The following KALRN variants were observed in gnomAD, a reference collection of about 807,000 sequenced individuals.
KALRN encodes kalirin RhoGEF kinase.
KALRN carries 70 observed loss-of-function variants against 353.7 expected under a neutral mutation model. The observed-to-expected ratio is 0.20, with a 90% confidence interval of 0.16 to 0.24. The LOEUF is 0.24. Among genes scored for constraint, KALRN ranks in the 10% least tolerant of loss-of-function variants. KALRN has a pLI of 1.00. For missense variants in KALRN, 2,791 were observed against 3,756.7 expected (o/e 0.74, Z 6.72); for synonymous variants, 1,391 against 1,434.8 (o/e 0.97, Z 0.69).
At chr3:124,268,478 G>C (rs1282114061) in intron 4 of KALRN, 1 of 477,066 alleles carries the variant, frequency 2.1e-6, no homozygotes, top group Non-Finnish European at 3.8e-6. Context: ...ATGAGGAGAG[G>C]AGGGACACAA....
rs564939718 is a variant in KALRN at position 124,681,895 on chromosome 3, G to C, written c.7377+2378G>C. On this transcript the variant is annotated intron_variant, in intron 51 of 59. Coordinates refer to ENST00000682506, the MANE Select transcript of KALRN (RefSeq NM_001388419.1). ...TCTGCCTGCCTTGGCCTCCCAAAGT[G>C]CTGGGATTACAGGTGTGAGCCAATG... Among the ~76,000 whole-genome samples the C allele has an allele frequency of 3.9e-5, 6 of 152,242 alleles. No individual in the cohort carries two copies. The East Asian group carries it at 1.2e-3, about 29-fold the overall frequency.
intron 1 of KALRN, chr3:124,153,142 G>A (rs1225552896): frequency 6.6e-6 from 1 of 151,000 alleles, no homozygotes; most frequent in Non-Finnish European, 1.4e-5. Flanking sequence ...TATACTTTAA[G>A]TTTTAGGGTA....
chr3:124,403,224 A>G (rs2150141534), intron 13 of KALRN, among the ~76,000 whole-genome samples: 1 of 152,300 alleles, frequency 6.6e-6, no homozygotes, highest in East Asian at 1.9e-4. Flanking sequence ...ACTAATGAAA[A>G]TCCTGGGAAA....
chr3:124,623,397 T>TACACACACACACACACACACACACAC (rs1561450499), intron 34 of KALRN, among the ~76,000 whole-genome samples: 2 of 65,262 alleles, frequency 3.1e-5, no homozygotes, highest in African/African-American at 1.1e-4. Flanking sequence ...TATATTTATT[T>TACACACACACACACACACACACACAC]ATACACACAC....
intron 1 of KALRN, among the ~76,000 whole-genome samples, chr3:124,122,701 T>A (rs146768211): frequency 1.2e-4 from 18 of 152,164 alleles, no homozygotes; most frequent in African/African-American, 4.3e-4. Context: ...ATTGTGTGTG[T>A]TCTAACTGCT....
rs189237077 is a variant in KALRN, at chr3:124,694,511, G to A, written c.7577+8G>A. The A allele has an allele frequency of 1.6e-4, 252 of 1,611,816 alleles. No individual in the cohort carries two copies. Among genetic ancestry groups the A allele is most frequent in the Middle Eastern group, 3.3e-4 (2 of 6,052 alleles). ...ATACACGGTCTCCTCTTGGTAAGCC[G>A]ATTGCCCTAACATCAGCAACAGCAG... On this transcript the variant is annotated splice_region_variant and intron_variant, in intron 53 of 59. Transcript: ENST00000682506.
chr3:124,391,384 C>T (rs780644937), intron 11 of KALRN, among the ~76,000 whole-genome samples: 7 of 152,222 alleles, frequency 4.6e-5, no homozygotes, highest in South Asian at 4.1e-4. Context: ...AAAAAACACG[C>T]GTGGTTGCTG....
At chr3:124,392,789 AT>A (rs200007143) in intron 11 of KALRN, among the ~76,000 whole-genome samples, 24,435 of 145,736 alleles carry the variant, frequency 0.17, 2,136 homozygotes, top group Admixed American at 0.2. Flanking sequence ...ATTTTTTTTT[AT>A]TTTTTTTTTA....
chr3:124,368,867 C>T (rs558495391), intron 10 of KALRN, among the ~76,000 whole-genome samples: 4 of 152,348 alleles, frequency 2.6e-5, no homozygotes, highest in East Asian at 1.9e-4. Context: ...GGAGACCGGC[C>T]GGCCAACACA....
At chr3:124,244,858 T>C (rs2080930728) in intron 3 of KALRN, among the ~76,000 whole-genome samples, 1 of 152,100 alleles carries the variant, frequency 6.6e-6, no homozygotes, top group South Asian at 2.1e-4. Context: ...TTTTTTTTGC[T>C]TTTTAAAAAT....
intron 51 of KALRN, among the ~76,000 whole-genome samples, chr3:124,693,064 C>T (rs2061894977): frequency 6.6e-6 from 1 of 152,232 alleles, no homozygotes; most frequent in African/African-American, 2.4e-5. Flanking sequence ...TCAGTTCCTC[C>T]CTTGAACCAG....
In KALRN at chr3:124,562,930, G is replaced by A. The variant is rs774954951; in HGVS notation, c.5023G>A (p.Val1675Ile). 8 of 1,367,788 alleles carry A rather than the reference G, an allele frequency of 5.8e-6. No homozygotes were observed. Among genetic ancestry groups the A allele is most frequent in the Non-Finnish European group, 7.8e-6 (8 of 1,022,024 alleles). 84.7% of individuals were successfully genotyped at this position (1,367,788 alleles called of 1,614,324 possible). ...GCTGACCATCCAGGTGGGGCAGACG[G>A]TAGAGCTGCTGGAGCGGCCCAGCGA... ...SELTIQVGQT[V>I]ELLERPSERP... is the part of the protein sequence containing the mutation. The change falls in exon 34 of 60, where the codon GTA becomes ATA. Residue 1675 changes from valine to isoleucine, a missense_variant. Val to Ile is a conservative substitution (Grantham distance 29, BLOSUM62 3). This residue lies in a region of KALRN where 239 missense variants were observed against 351.3 expected (regional missense o/e 0.68). Coordinates refer to ENST00000682506, the MANE Select transcript of KALRN (RefSeq NM_001388419.1).
At chr3:124,704,209 A>T (rs1291416515) in intron 57 of KALRN, among the ~76,000 whole-genome samples, 1 of 152,006 alleles carries the variant, frequency 6.6e-6, no homozygotes, top group Non-Finnish European at 1.5e-5. Context: ...GCTAAACATG[A>T]CCCCCAATAA....
At chr3:124,232,208 C>G (rs2079241113) in intron 2 of KALRN, among the ~76,000 whole-genome samples, 1 of 152,270 alleles carries the variant, frequency 6.6e-6, no homozygotes, top group Non-Finnish European at 1.5e-5. Flanking sequence ...GAGCCTGGCA[C>G]AGATACTGTG....
intron 15 of KALRN, among the ~76,000 whole-genome samples, chr3:124,426,915 G>GA (rs1446506042): frequency 6.6e-6 from 1 of 152,214 alleles, no homozygotes; most frequent in Non-Finnish European, 1.5e-5. Flanking sequence ...GCATTTAGCA[G>GA]AAAATAAGCT....
chr3:124,352,853 G>C (rs1191805459), intron 10 of KALRN, among the ~76,000 whole-genome samples: 4 of 152,072 alleles, frequency 2.6e-5, no homozygotes, highest in Admixed American at 6.6e-5. Context: ...ATCACACACT[G>C]GGGCCTGTTG....
At chr3:124,246,709 A>G (rs2070328399) in intron 3 of KALRN, among the ~76,000 whole-genome samples, 1 of 152,206 alleles carries the variant, frequency 6.6e-6, no homozygotes, top group South Asian at 2.1e-4. Flanking sequence ...GCTCACCAAG[A>G]GCAGGCTGAT....
intron 26 of KALRN, among the ~76,000 whole-genome samples, chr3:124,476,697 G>A (rs1259973270): frequency 6.6e-6 from 1 of 152,116 alleles, no homozygotes. Context: ...TTTAGCCTCT[G>A]CCCCAGGGGG....
intron 12 of KALRN, among the ~76,000 whole-genome samples, chr3:124,396,630 A>G (rs1177575721): frequency 2.6e-5 from 4 of 152,250 alleles, no homozygotes; most frequent in African/African-American, 9.6e-5. Flanking sequence ...GCTTTGTGTT[A>G]TCTATTCAAA....
Sources: gnomAD v4.1 joint callset for allele counts (sites outside exome capture counted in the v4.1 genomes callset) on GRCh38, gnomAD v4.1.1 for gene constraint, gnomAD v4.1.1 regional missense constraint, MANE v1.5 for transcripts, NCBI Gene and HGNC (gene_info 2026-07-23, HGNC 2026-07-21) for gene names.